The following PALM2AKAP2 variants were observed in gnomAD, a reference collection of about 807,000 sequenced individuals.
The protein encoded by PALM2AKAP2 is PALM2-AKAP2 fusion protein.
A neutral mutation model predicts 71.5 loss-of-function variants in PALM2AKAP2; 37 were observed. The ratio of observed to expected loss-of-function variants is 0.52; its 90% CI spans 0.40 to 0.68. The LOEUF (loss-of-function observed/expected upper bound fraction) is 0.68, where lower values mean the gene tolerates loss of function less well. Ranked by LOEUF, PALM2AKAP2 falls within the 30% of genes least tolerant of loss-of-function variation. PALM2AKAP2 has a pLI of 0.00. For missense variants in PALM2AKAP2, 1,224 were observed against 1,191.8 expected, an observed-to-expected ratio of 1.03 and a Z score of -0.40; for synonymous variants, 468 against 478.8, an observed-to-expected ratio of 0.98 and a Z score of 0.29.
intron 1 of PALM2AKAP2, among the ~76,000 whole-genome samples, chr9:110,078,939 A>C (rs979419330): frequency 2.0e-5 from 3 of 152,234 alleles, no homozygotes; most frequent in African/African-American, 7.2e-5. Flanking sequence ...CAACAATAGC[A>C]ACTGCTTATG....
At chr9:109,977,369 G>A (rs958227358) in intron 6 of PALM2AKAP2, among the ~76,000 whole-genome samples, 5 of 152,072 alleles carry the variant, frequency 3.3e-5, no homozygotes, top group African/African-American at 9.7e-5. Context: ...GATTGCCTAG[G>A]CTCTTAATAT....
intron 6 of PALM2AKAP2, among the ~76,000 whole-genome samples, chr9:109,947,446 G>C (rs905754838): frequency 2.0e-5 from 3 of 152,054 alleles, no homozygotes; most frequent in African/African-American, 7.2e-5. Context: ...TCATTTCAAG[G>C]GACCACAGCA....
chr9:109,696,256 A>G (rs1257084423), intron 1 of PALM2AKAP2, among the ~76,000 whole-genome samples: 2 of 152,230 alleles, frequency 1.3e-5, no homozygotes, highest in African/African-American at 2.4e-5. Context: ...AAGAAAAAAA[A>G]GCCCAGTAGC....
upstream of PALM2AKAP2, chr9:109,780,417 TCA>T: frequency 6.2e-7 from 1 of 1,611,500 alleles, no homozygotes; most frequent in Non-Finnish European, 8.5e-7. Context: ...GGGGTGCCCA[TCA>T]GTTTCCTTGG....
At chr9:109,654,738 A>ATG (rs1426820412) in intron 1 of PALM2AKAP2, among the ~76,000 whole-genome samples, 2 of 132,550 alleles carry the variant, frequency 1.5e-5, no homozygotes, top group Non-Finnish European at 1.7e-5. Context: ...AGGTGCCTGT[A>ATG]TGTATGTGTA....
chr9:110,116,034 C>T (rs535279262), intron 1 of PALM2AKAP2, among the ~76,000 whole-genome samples: 4 of 152,230 alleles, frequency 2.6e-5, no homozygotes, highest in Non-Finnish European at 4.4e-5. Flanking sequence ...GGTAAATCTA[C>T]GAGAGAGACC....
At chr9:109,727,609 T>G (rs1011025481) in intron 1 of PALM2AKAP2, among the ~76,000 whole-genome samples, 1 of 152,170 alleles carries the variant, frequency 6.6e-6, no homozygotes, top group Non-Finnish European at 1.5e-5. Context: ...TTTTTCAGGA[T>G]TTGATGGGCA....
intron 6 of PALM2AKAP2, among the ~76,000 whole-genome samples, chr9:109,966,663 G>A (rs535207694): frequency 2.6e-4 from 39 of 152,318 alleles, no homozygotes; most frequent in Non-Finnish European, 1.9e-4. Context: ...TGGTACGTTG[G>A]TGTCTGTTAC....
chr9:109,946,294 G>T (rs1831502814), intron 6 of PALM2AKAP2: 1 of 152,166 alleles, frequency 6.6e-6, no homozygotes, highest in African/African-American at 2.4e-5. Flanking sequence ...CAAAAATGCA[G>T]GGTATTTGGT....
chr9:110,031,184 G>A (rs34223397), intron 7 of PALM2AKAP2, among the ~76,000 whole-genome samples: 15,474 of 152,068 alleles, frequency 0.1, 815 homozygotes, highest in Middle Eastern at 0.14. Flanking sequence ...GTGCAGTGGC[G>A]CCATCTTGGC....
chr9:109,825,566 C>T (rs1229637093), intron 1 of PALM2AKAP2, among the ~76,000 whole-genome samples: 1 of 152,212 alleles, frequency 6.6e-6, no homozygotes, highest in Non-Finnish European at 1.5e-5. Context: ...TATGAACAGA[C>T]ACTTCTCAAA....
chr9:109,834,160 C>T (rs1423666905), intron 1 of PALM2AKAP2, among the ~76,000 whole-genome samples: 1 of 152,206 alleles, frequency 6.6e-6, no homozygotes, highest in Admixed American at 6.5e-5. Context: ...TTGCAGTGAG[C>T]CAAGATCACA....
intron 7 of PALM2AKAP2, among the ~76,000 whole-genome samples, chr9:110,043,093 A>G (rs1221203182): frequency 2.6e-5 from 4 of 151,904 alleles, no homozygotes; most frequent in African/African-American, 9.7e-5. Context: ...TCTACCCTCT[A>G]TCTTCGTGAG....
chr9:110,029,525 T>C (rs942368838), intron 7 of PALM2AKAP2, among the ~76,000 whole-genome samples: 4 of 152,238 alleles, frequency 2.6e-5, no homozygotes, highest in African/African-American at 7.2e-5. Flanking sequence ...ATTTTGAACA[T>C]TCCAGCAGTG....
At chr9:109,826,227 AG>A in intron 1 of PALM2AKAP2, among the ~76,000 whole-genome samples, 2 of 115,322 alleles carry the variant, frequency 1.7e-5, no homozygotes, top group African/African-American at 6.6e-5. Context: ...GGGTGGGGGT[AG>A]GGGGGAGGGA....
intron 1 of PALM2AKAP2, among the ~76,000 whole-genome samples, chr9:110,069,844 A>AAACAT (rs1834165938): frequency 1.3e-5 from 2 of 152,252 alleles, no homozygotes; most frequent in Non-Finnish European, 2.9e-5. Flanking sequence ...ATTTATCAGC[A>AAACAT]GTGATGCAAA....
intron 1 of PALM2AKAP2, among the ~76,000 whole-genome samples, chr9:109,709,265 C>G (rs770100344): frequency 6.6e-6 from 1 of 152,218 alleles, no homozygotes; most frequent in African/African-American, 2.4e-5. Flanking sequence ...GTTATCTTGT[C>G]AAATCCCCTT....
intron 3 of PALM2AKAP2, among the ~76,000 whole-genome samples, chr9:110,157,459 T>C (rs1836486191): frequency 6.6e-6 from 1 of 152,126 alleles, no homozygotes; most frequent in African/African-American, 2.4e-5. Flanking sequence ...AATGCATTGA[T>C]GTAATCATGG....
intron 1 of PALM2AKAP2, among the ~76,000 whole-genome samples, chr9:109,660,521 T>C (rs1827376581): frequency 6.6e-6 from 1 of 151,920 alleles, no homozygotes; most frequent in Non-Finnish European, 1.5e-5. Flanking sequence ...GCAAAGGACA[T>C]GAACTCATCC....
Sources: gnomAD v4.1 joint callset for allele counts (sites outside exome capture counted in the v4.1 genomes callset) on GRCh38, gnomAD v4.1.1 for gene constraint, MANE v1.5 for transcripts, NCBI Gene and HGNC (gene_info 2026-07-23, HGNC 2026-07-21) for gene names.